Variants in ESRRG observed in about 807,000 individuals in gnomAD.
ESRRG encodes the protein estrogen-related receptor gamma.
In ESRRG, 13 loss-of-function variants were observed where a neutral mutation model predicts 44.0. The observed-to-expected ratio is 0.30, with a 90% confidence interval of 0.19 to 0.47. The LOEUF (loss-of-function observed/expected upper bound fraction) is 0.47. Among genes scored for constraint, ESRRG ranks in the 20% least tolerant of loss-of-function variants. ESRRG has a pLI of 1.00. For missense variants in ESRRG, 395 were observed against 580.6 expected, an observed-to-expected ratio of 0.68 and a Z score of 3.29; for synonymous variants, 215 against 214.6, an observed-to-expected ratio of 1.00 and a Z score of -0.02.
At chr1:216,861,316 T>C (rs994045100) in intron 2 of ESRRG, among the ~76,000 whole-genome samples, 1 of 152,054 alleles carries the variant, frequency 6.6e-6, no homozygotes, top group Non-Finnish European at 1.5e-5. Flanking sequence ...CATTACAGGG[T>C]ATAATTCACA....
At chr1:216,971,728 G>A (rs756180458) in intron 1 of ESRRG, among the ~76,000 whole-genome samples, 3 of 152,142 alleles carry the variant, frequency 2.0e-5, no homozygotes, top group Non-Finnish European at 2.9e-5. Flanking sequence ...CGAACAATGA[G>A]ACTGAACTAA....
chr1:216,771,163 T>C (rs1006432691), intron 2 of ESRRG, among the ~76,000 whole-genome samples: 4 of 152,150 alleles, frequency 2.6e-5, no homozygotes, highest in African/African-American at 9.7e-5. Flanking sequence ...CAAAGGCACA[T>C]TTCTTTGCCA....
intron 1 of ESRRG, among the ~76,000 whole-genome samples, chr1:216,713,314 TC>T (rs1391576966): frequency 6.6e-6 from 1 of 151,680 alleles, no homozygotes; most frequent in Non-Finnish European, 1.5e-5. Flanking sequence ...AATACATTTA[TC>T]TTCTCATTAA....
chr1:216,671,563 C>A (rs2075188128), intron 2 of ESRRG, among the ~76,000 whole-genome samples: 1 of 152,144 alleles, frequency 6.6e-6, no homozygotes, highest in Non-Finnish European at 1.5e-5. Flanking sequence ...GGGTCAAGTA[C>A]TTCGATATTC....
At chr1:216,963,689 G>A (rs140324791) in intron 1 of ESRRG, among the ~76,000 whole-genome samples, 32 of 152,286 alleles carry the variant, frequency 2.1e-4, no homozygotes, top group African/African-American at 7.2e-4. Flanking sequence ...AGGGAAACCC[G>A]AGAAGAGGAA....
intron 1 of ESRRG, among the ~76,000 whole-genome samples, chr1:217,080,422 T>A (rs2091649759): frequency 6.6e-6 from 1 of 152,130 alleles, no homozygotes; most frequent in Non-Finnish European, 1.5e-5. Flanking sequence ...TCTATGTCAT[T>A]ACTTCCAACT....
chr1:216,918,030 T>C (rs908666872), intron 2 of ESRRG, among the ~76,000 whole-genome samples: 1 of 152,208 alleles, frequency 6.6e-6, no homozygotes, highest in African/African-American at 2.4e-5. Context: ...CAAAATGCTG[T>C]TTTTGTATTA....
intron 2 of ESRRG, among the ~76,000 whole-genome samples, chr1:216,781,523 A>T (rs1466201869): frequency 6.6e-6 from 1 of 151,998 alleles, no homozygotes. Context: ...ACATTTACGT[A>T]ATGTCTTCTG....
At chr1:217,076,460 C>T (rs1338552188) in intron 1 of ESRRG, among the ~76,000 whole-genome samples, 2 of 152,146 alleles carry the variant, frequency 1.3e-5, no homozygotes, top group African/African-American at 2.4e-5. Context: ...TGAATACAAT[C>T]ATTTTCACAC....
rs369178893 is a variant in ESRRG, at chr1:216,929,795, A to AC, written c.-14+9786dup. 1.2e-3 allele frequency among the ~76,000 whole-genome samples: 180 copies of AC among 151,870 alleles called. 2 individuals are homozygous for AC. The highest frequency in any genetic ancestry group is 8.3e-3 in the Admixed American group (127 of 15,242). ...ATGCCAAATGAGAATATTGGACCAG[A>AC]CCCCCCAGGTCTCTTCCTCCTTTAT... On this transcript the variant is annotated intron_variant, in intron 2 of 7. Coordinates refer to the ESRRG transcript ENST00000359162.
intron 2 of ESRRG, among the ~76,000 whole-genome samples, chr1:216,834,812 A>T (rs1475665508): frequency 6.6e-6 from 1 of 152,196 alleles, no homozygotes; most frequent in Non-Finnish European, 1.5e-5. Context: ...AGGCATAGAT[A>T]GGCTCATGAG....
intron 1 of ESRRG, among the ~76,000 whole-genome samples, chr1:217,019,203 A>T (rs1222808705): frequency 6.6e-6 from 1 of 152,232 alleles, no homozygotes; most frequent in African/African-American, 2.4e-5. Flanking sequence ...TTTTTACCTT[A>T]GTCTATTCCT....
upstream of ESRRG, chr1:217,089,647 A>T (rs375114662): frequency 6.6e-5 from 10 of 152,206 alleles, no homozygotes; most frequent in East Asian, 1.9e-3. Context: ...GCCTCCTTTA[A>T]CTGGGCTCCC....
At chr1:216,708,154 G>C (rs1174688362) in intron 1 of ESRRG, among the ~76,000 whole-genome samples, 1 of 151,712 alleles carries the variant, frequency 6.6e-6, no homozygotes, top group African/African-American at 2.4e-5. Context: ...AATTAAACTG[G>C]TAGGCAATAT....
rs1231342114 is a variant in ESRRG at position 216,802,864 on chromosome 1, G to T, written c.-13-125373C>A. Among the ~76,000 whole-genome samples, 3 of 152,042 alleles carry T rather than the reference G, an allele frequency of 2.0e-5. No individual in the cohort carries two copies. In the East Asian group the frequency reaches 5.8e-4, roughly 29 times the overall value. On this transcript the variant is annotated intron_variant, in intron 2 of 7. Coordinates refer to the ESRRG transcript ENST00000359162. ...CCCACTTATAGATTATAAAACCAAA[G>T]TTAAGAGAGGAAAAGCAATACTAAA...
chr1:217,110,892 CTG>C (rs1274573935), intron 1 of ESRRG, among the ~76,000 whole-genome samples: 1 of 152,132 alleles, frequency 6.6e-6, no homozygotes, highest in Non-Finnish European at 1.5e-5. Context: ...CTAATTTTTG[CTG>C]TGTCTTTTCG....
intron 3 of ESRRG, among the ~76,000 whole-genome samples, chr1:216,600,695 CTT>C (rs1174732984): frequency 6.6e-6 from 1 of 152,132 alleles, no homozygotes; most frequent in African/African-American, 2.4e-5. Flanking sequence ...TAAATCCACT[CTT>C]GAGGTATACA....
At chr1:216,561,864 G>T (rs959373004) in intron 5 of ESRRG, among the ~76,000 whole-genome samples, 1 of 152,174 alleles carries the variant, frequency 6.6e-6, no homozygotes, top group Non-Finnish European at 1.5e-5. Flanking sequence ...TATAGAGAGA[G>T]AATAACGTCA....
intron 2 of ESRRG, among the ~76,000 whole-genome samples, chr1:216,654,918 T>C (rs1451288105): frequency 3.9e-5 from 6 of 152,176 alleles, no homozygotes; most frequent in Non-Finnish European, 8.8e-5. Flanking sequence ...TGGAGCTACA[T>C]TGGAGAAAAT....
Sources: allele counts gnomAD v4.1 joint callset (sites outside exome capture counted in the v4.1 genomes callset), GRCh38; gene constraint gnomAD v4.1.1; transcripts MANE v1.5; gene names NCBI Gene and HGNC (gene_info 2026-07-23, HGNC 2026-07-21).